RUNX2: variants seen among roughly 807,000 people sequenced by gnomAD.
RUNX2 encodes the protein RUNX family transcription factor 2.
RUNX2 carries 10 observed loss-of-function variants against 51.7 expected under a neutral mutation model. The ratio of observed to expected loss-of-function variants is 0.19; its 90% CI spans 0.12 to 0.33. The LOEUF is 0.33. Ranked by LOEUF, RUNX2 falls within the 10% of genes least tolerant of loss-of-function variation. The probability of loss-of-function intolerance (pLI) is 1.00; values close to 1 mark genes in which losing one functional copy is unlikely to be tolerated. For missense variants in RUNX2, 562 were observed against 691.3 expected, an observed-to-expected ratio of 0.81 and a Z score of 2.10; for synonymous variants, 276 against 273.6, an observed-to-expected ratio of 1.01 and a Z score of -0.09.
chr6:45,487,627 G>C (rs1800323782), intron 5 of RUNX2, among the ~76,000 whole-genome samples: 1 of 151,728 alleles, frequency 6.6e-6, no homozygotes, highest in Middle Eastern at 3.2e-3. Flanking sequence ...AACTTTTTTG[G>C]GGAAAGAATA....
intron 2 of RUNX2, among the ~76,000 whole-genome samples, chr6:45,341,847 A>C (rs1422294750): frequency 6.6e-6 from 1 of 152,196 alleles, no homozygotes; most frequent in Non-Finnish European, 1.5e-5. Context: ...TTTAGTTTAA[A>C]CCCTACAATT....
chr6:45,369,578 C>T (rs1481961292), intron 2 of RUNX2, among the ~76,000 whole-genome samples: 5 of 152,224 alleles, frequency 3.3e-5, no homozygotes, highest in African/African-American at 4.8e-5. Flanking sequence ...CCACCAAAGA[C>T]AGTGTATCGT....
chr6:45,535,223 C>T (rs1801993426), intron 7 of RUNX2, among the ~76,000 whole-genome samples: 1 of 151,854 alleles, frequency 6.6e-6, no homozygotes, highest in Non-Finnish European at 1.5e-5. Context: ...CAAACCTGCA[C>T]ATGTACCCTT....
chr6:45,497,314 G>A (rs1323718193), intron 6 of RUNX2, among the ~76,000 whole-genome samples: 1 of 152,060 alleles, frequency 6.6e-6, no homozygotes, highest in Admixed American at 6.6e-5. Flanking sequence ...GAAGTGCACA[G>A]GATATTTTTT....
At chr6:45,438,085 A>G in intron 5 of RUNX2, 34 bp downstream of exon 5, 1 of 1,278,496 alleles carries the variant, frequency 7.8e-7, no homozygotes, top group South Asian at 1.2e-5. Flanking sequence ...AGAAAGTAAT[A>G]GAGTTTCCAG....
In RUNX2 at chr6:45,507,037, C is replaced by T. The variant is rs79642975; in HGVS notation, c.860-5209C>T. ...AGCCCCCGAAAACTTGTAGGTAGTT[C>T]ATGGCTTTGAGGTGACACTCTGGCT... On this transcript the variant is annotated intron_variant, in intron 6 of 8. Coordinates refer to ENST00000647337, the MANE Select transcript of RUNX2 (RefSeq NM_001024630.4). Among the ~76,000 whole-genome samples, 1,341 of 150,752 alleles carry T rather than the reference C, an allele frequency of 8.9e-3. 17 individuals are homozygous for T. Among genetic ancestry groups the T allele is most frequent in the African/African-American group, 0.03 (1,248 of 40,974 alleles).
chr6:45,387,137 A>T (rs1797366936), intron 2 of RUNX2, among the ~76,000 whole-genome samples: 1 of 152,222 alleles, frequency 6.6e-6, no homozygotes, highest in East Asian at 1.9e-4. Flanking sequence ...AAGTAAGGCA[A>T]AGAAGGAACT....
chr6:45,472,560 T>C (rs1799834737), intron 5 of RUNX2, among the ~76,000 whole-genome samples: 1 of 152,232 alleles, frequency 6.6e-6, no homozygotes, highest in Non-Finnish European at 1.5e-5. Flanking sequence ...GTCTGTTTCT[T>C]GGCAGGACTT....
intron 5 of RUNX2, among the ~76,000 whole-genome samples, chr6:45,440,239 C>T (rs1798803556): frequency 6.6e-6 from 1 of 152,178 alleles, no homozygotes; most frequent in Admixed American, 6.5e-5. Context: ...AACCTGGATT[C>T]TGTGCTGGAT....
At chr6:45,382,456 C>G (rs1797261603) in intron 2 of RUNX2, among the ~76,000 whole-genome samples, 1 of 152,188 alleles carries the variant, frequency 6.6e-6, no homozygotes, top group Non-Finnish European at 1.5e-5. Flanking sequence ...GCAGTTGAAG[C>G]AGGCCTCACT....
At chr6:45,354,624 CACACAT>C (rs1352080794) in intron 2 of RUNX2, among the ~76,000 whole-genome samples, 1 of 94,990 alleles carries the variant, frequency 1.1e-5, no homozygotes, top group Admixed American at 1.1e-4. Context: ...CAAATGCACG[CACACAT>C]ACACACACAC....
chr6:45,446,533 C>T (rs1460303295), intron 5 of RUNX2, among the ~76,000 whole-genome samples: 5 of 144,582 alleles, frequency 3.5e-5, no homozygotes, highest in African/African-American at 1.3e-4. Flanking sequence ...AATGACCTTT[C>T]GTTCTCAAGA....
intron 5 of RUNX2, among the ~76,000 whole-genome samples, chr6:45,455,261 A>G (rs1044522285): frequency 6.6e-6 from 1 of 152,250 alleles, no homozygotes; most frequent in African/African-American, 2.4e-5. Context: ...CAAGACCTCT[A>G]TACAACTTAC....
intron 5 of RUNX2, among the ~76,000 whole-genome samples, chr6:45,474,805 A>G (rs1582150191): frequency 6.6e-6 from 1 of 152,204 alleles, no homozygotes; most frequent in African/African-American, 2.4e-5. Flanking sequence ...TTGCTAGCAC[A>G]TAGAACCTTT....
rs150806295 is a variant in RUNX2, at chr6:45,489,328, G to T, written c.686-2613G>T. ...AAATTTTTCACACTTACCAGTCCTA[G>T]CCTAAGTCCTTTATTTTTGCCTGCA... On this transcript the variant is annotated intron_variant, in intron 5 of 8. Coordinates refer to ENST00000647337, the MANE Select transcript of RUNX2 (RefSeq NM_001024630.4). Among the ~76,000 whole-genome samples, 604 of 152,242 alleles carry T rather than the reference G, an allele frequency of 4.0e-3. 4 individuals are homozygous for T. Among genetic ancestry groups the T allele is most frequent in the African/African-American group, 0.014 (572 of 41,534 alleles).
At chr6:45,475,466 G>T (rs1799931280) in intron 5 of RUNX2, among the ~76,000 whole-genome samples, 1 of 152,168 alleles carries the variant, frequency 6.6e-6, no homozygotes, top group Non-Finnish European at 1.5e-5. Context: ...CAGGTATACT[G>T]ATGGAAGGTA....
intron 2 of RUNX2, among the ~76,000 whole-genome samples, chr6:45,402,573 T>C (rs1283486776): frequency 6.6e-6 from 1 of 152,142 alleles, no homozygotes; most frequent in Non-Finnish European, 1.5e-5. Flanking sequence ...TGATAATCAA[T>C]ACTTAAATAT....
intron 2 of RUNX2, 26 bp downstream of exon 2, chr6:45,328,810 TG>T: frequency 6.2e-7 from 1 of 1,606,304 alleles, no homozygotes; most frequent in Non-Finnish European, 8.5e-7. Context: ...TTTAAAATCC[TG>T]TAAGATATGA....
intron 2 of RUNX2, among the ~76,000 whole-genome samples, chr6:45,376,064 T>G (rs1190975655): frequency 1.3e-5 from 2 of 152,316 alleles, no homozygotes; most frequent in South Asian, 2.1e-4. Context: ...TGGTAAAAGA[T>G]AGCAGAAACC....
Sources: allele counts gnomAD v4.1 joint callset (sites outside exome capture counted in the v4.1 genomes callset), GRCh38; gene constraint gnomAD v4.1.1; transcripts MANE v1.5; gene names NCBI Gene and HGNC (gene_info 2026-07-23, HGNC 2026-07-21).